ADGRG4: variants seen among roughly 807,000 people sequenced by gnomAD.
The protein encoded by ADGRG4 is G protein-coupled receptor 112.
ADGRG4 carries 122 observed loss-of-function variants against 126.2 expected under a neutral mutation model. The observed-to-expected ratio is 0.97, with a 90% CI of 0.83 to 1.12. The LOEUF is 1.12. Among genes scored for constraint, ADGRG4 ranks in the 50% most tolerant of loss-of-function variants. ADGRG4 has a pLI of 0.00. For missense variants in ADGRG4, 2,481 were observed against 2,251.8 expected, an observed-to-expected ratio of 1.10 and a Z score of -2.06; for synonymous variants, 943 against 838.7, an observed-to-expected ratio of 1.12 and a Z score of -2.15.
chrX:136,385,427 C>T (rs2075287946), intron 15 of ADGRG4, among the ~76,000 whole-genome samples: 1 of 111,761 alleles, frequency 8.9e-6, no homozygotes, highest in Non-Finnish European at 1.9e-5. Flanking sequence ...TTTAAAAATT[C>T]CAATTATACT....
At chrX:136,384,891 C>T (rs1032950460) in intron 15 of ADGRG4, among the ~76,000 whole-genome samples, 1 of 110,758 alleles carries the variant, frequency 9.0e-6, no homozygotes, top group Non-Finnish European at 1.9e-5. Flanking sequence ...TATGCCTGGG[C>T]ATTTTTTTTT....
chrX:136,325,121 T>A (rs1459960353), intron 5 of ADGRG4, among the ~76,000 whole-genome samples: 1 of 112,058 alleles, frequency 8.9e-6, no homozygotes, highest in East Asian at 2.8e-4. Flanking sequence ...AGACAAGATT[T>A]TTTTGCATTT....
rs771629743 is a variant in ADGRG4 at position 136,378,180 on chromosome X, T to C, written c.7776+5116T>C. Among the ~76,000 whole-genome samples the C allele has an allele frequency of 5.4e-5, 6 of 111,583 alleles. No homozygotes were observed. In the East Asian group the frequency reaches 1.4e-3, roughly 26 times the overall value. On this transcript the variant is annotated intron_variant, in intron 15 of 25. Transcript: ENST00000394143. ...AGTTTAGGTGGGGAGATATTGCATG[T>C]CTTTTGATAAATTTATTCCTAAGTA... is the stretch of plus-strand genomic sequence containing the variant.
chrX:136,358,989 A>G, intron 10 of ADGRG4, among the ~76,000 whole-genome samples: 1 of 112,432 alleles, frequency 8.9e-6, no homozygotes, highest in South Asian at 3.7e-4. Flanking sequence ...CATCTTCTCT[A>G]TTAATTATTA....
At chrX:136,357,833 C>T (rs992584150) in intron 10 of ADGRG4, 77 bp downstream of exon 10, 22 of 710,656 alleles carry the variant, frequency 3.1e-5, no homozygotes, top group African/African-American at 2.5e-4. Context: ...TCTGCATGTG[C>T]GGCCAGTTGG....
intron 22 of ADGRG4, among the ~76,000 whole-genome samples, chrX:136,404,838 CACACACA>C (rs1453723057): frequency 5.4e-5 from 6 of 111,968 alleles, no homozygotes; most frequent in African/African-American, 2.0e-4. Context: ...TTGCAACACA[CACACACA>C]CAAACTCACA....
chrX:136,313,577 CA>C (rs2074787083), intron 4 of ADGRG4, among the ~76,000 whole-genome samples: 1 of 111,896 alleles, frequency 8.9e-6, no homozygotes, highest in South Asian at 3.7e-4. Flanking sequence ...TAGCATAGGA[CA>C]GATGAAAAAC....
intron 13 of ADGRG4, among the ~76,000 whole-genome samples, chrX:136,368,824 G>A (rs1047618163): frequency 8.9e-6 from 1 of 112,508 alleles, no homozygotes; most frequent in African/African-American, 3.2e-5. Flanking sequence ...GCAATTGTAA[G>A]TTTATATAAT....
chrX:136,356,241 C>G (rs1308965821), intron 9 of ADGRG4, 76 bp downstream of exon 9: 5 of 636,549 alleles, frequency 7.9e-6, no homozygotes, highest in Non-Finnish European at 9.6e-6. Flanking sequence ...AGCTCTTCCA[C>G]CCAAGTATAT....
intron 15 of ADGRG4, among the ~76,000 whole-genome samples, chrX:136,384,583 G>T (rs777100530): frequency 2.7e-5 from 3 of 111,514 alleles, no homozygotes; most frequent in East Asian, 2.8e-4. Context: ...ATTCACTTAG[G>T]ATTTATTGTA....
intron 5 of ADGRG4, among the ~76,000 whole-genome samples, chrX:136,339,262 A>G (rs191176161): frequency 3.0e-4 from 34 of 111,585 alleles, no homozygotes; most frequent in Middle Eastern, 4.6e-3. Flanking sequence ...GACTTCCTGG[A>G]TCAGGCCACT....
Position 136,414,247 on chromosome X carries a change from T to C in ADGRG4, c.9125T>C (p.Leu3042Pro). 8.3e-7 allele frequency: 1 copy of C among 1,205,906 alleles called. No individual in the cohort carries two copies. Among genetic ancestry groups the C allele is most frequent in the East Asian group, 3.0e-5 (1 of 33,810 alleles). Residue 3042 changes from leucine to proline, a missense_variant, in exon 25 of 26, where the codon CTC becomes CCC. Physicochemically the swap from Leu to Pro is moderately conservative, Grantham distance 98 (BLOSUM62 -3). Coordinates refer to ENST00000394143, the MANE Select transcript of ADGRG4 (RefSeq NM_153834.4). Reference protein sequence around the residue: ...IFEHKLLTPSLKSTATSSTFK... With the variant: ...IFEHKLLTPSPKSTATSSTFK... ...GAGCACAAACTGTTGACGCCATCTC[T>C]CAAGTCAACTGCAACTAGCTCCACT...
At chrX:136,334,074 C>CTCTTT (rs1424866480) in intron 5 of ADGRG4, among the ~76,000 whole-genome samples, 6 of 88,934 alleles carry the variant, frequency 6.7e-5, no homozygotes, top group African/African-American at 2.5e-4. Flanking sequence ...GAGGTTCTCT[C>CTCTTT]TCTTTCTTTC....
chrX:136,377,673 G>A (rs750338070), intron 15 of ADGRG4, among the ~76,000 whole-genome samples: 1 of 111,529 alleles, frequency 9.0e-6, no homozygotes, highest in South Asian at 3.7e-4. Flanking sequence ...ATTGATTTAT[G>A]TATTGCATGA....
Position 136,387,835 on chromosome X carries a change from G to A in ADGRG4, c.7872G>A (p.Thr2624=), listed in dbSNP as rs370327179. Reference sequence around the variant, plus strand: ...GAATTCCTCTTAGCAACTTACAAACGATCTTGTTTAATTTCTTTGGCCAAA... The same window carrying A: ...GAATTCCTCTTAGCAACTTACAAACAATCTTGTTTAATTTCTTTGGCCAAA... ...TERIPLSNLQ[T]ILFNFFGQTS... The change falls in exon 16 of 26, where the codon ACG becomes ACA. Residue 2624 remains threonine, a synonymous_variant. Coordinates refer to ENST00000394143, the MANE Select transcript of ADGRG4 (RefSeq NM_153834.4). 3 of 1,206,815 alleles carry A rather than the reference G, an allele frequency of 2.5e-6. No individual in the cohort carries two copies. The highest frequency in any genetic ancestry group is 2.3e-4 in the Middle Eastern group (1 of 4,358).
At chrX:136,383,813 CCTTTCTTT>C (rs373849599) in intron 15 of ADGRG4, among the ~76,000 whole-genome samples, 4,892 of 59,403 alleles carry the variant, frequency 0.082, 242 homozygotes, top group Admixed American at 0.11. Flanking sequence ...TATATATTTG[CCTTTCTTT>C]CTTTCTTTCT....
chrX:136,342,837 C>T (rs923794057), intron 5 of ADGRG4, among the ~76,000 whole-genome samples: 26 of 104,618 alleles, frequency 2.5e-4, no homozygotes, highest in African/African-American at 8.8e-4. Flanking sequence ...AAAAAATTTT[C>T]TTTTTATCCT....
At chrX:136,304,077 T>C (rs757475058) in intron 1 of ADGRG4, 56 bp from the exon 2 acceptor site, 2 of 111,323 alleles carry the variant, frequency 1.8e-5, no homozygotes, top group African/African-American at 3.3e-5. Context: ...ATGACTTATT[T>C]ATATCTATCT....
intron 11 of ADGRG4, among the ~76,000 whole-genome samples, chrX:136,360,669 G>A (rs2075122808): frequency 9.0e-6 from 1 of 111,612 alleles, no homozygotes; most frequent in African/African-American, 3.3e-5. Context: ...TTGAGGCCAG[G>A]AGGTTGAGGC....
Sources: allele counts gnomAD v4.1 joint callset (sites outside exome capture counted in the v4.1 genomes callset), GRCh38; gene constraint gnomAD v4.1.1; transcripts MANE v1.5; gene names NCBI Gene and HGNC (gene_info 2026-07-23, HGNC 2026-07-21).